The following LEPR variants were observed in gnomAD, a reference collection of about 807,000 sequenced individuals.
LEPR encodes the protein leptin receptor, also known as OB receptor.
Under a neutral mutation model 114.7 loss-of-function variants are expected in LEPR, and 56 were observed. That is an observed-to-expected ratio of 0.49 (90% CI 0.39 to 0.61). The LOEUF (loss-of-function observed/expected upper bound fraction) is 0.61, where lower values mean the gene tolerates loss of function less well. LEPR is among the 20% of genes least tolerant of loss of function. LEPR has a pLI of 0.00. For missense variants in LEPR, 1,202 were observed against 1,352.9 expected, an observed-to-expected ratio of 0.89 and a Z score of 1.75; for synonymous variants, 443 against 461.4, an observed-to-expected ratio of 0.96 and a Z score of 0.51.
In LEPR at chr1:65,496,349, G is replaced by C. The variant is rs187655569; in HGVS notation, c.-20-69197G>C. The stretch of plus-strand genomic sequence containing the variant: ...GGACTTTGGGAGGCCAAGGCGGTGG[G>C]ATGGCTTGAGCTGAGGAGTTCGAGA... On this transcript the variant is annotated intron_variant, in intron 2 of 19. Coordinates refer to ENST00000349533, the MANE Select transcript of LEPR (RefSeq NM_002303.6). 2.0e-3 allele frequency among the ~76,000 whole-genome samples: 309 copies of C among 152,270 alleles called. 11 individuals are homozygous for C. The highest frequency in any genetic ancestry group is 4.6e-4 in the Non-Finnish European group (31 of 68,024).
rs998333665 is a variant in LEPR at position 65,636,347 on chromosome 1, T to C, written c.2830T>C (p.Ser944Pro). The C allele has an allele frequency of 1.2e-6, 2 of 1,613,958 alleles. No individual in the cohort carries two copies. Among genetic ancestry groups the C allele is most frequent in the African/African-American group, 1.3e-5 (1 of 74,910 alleles). The change falls in exon 20 of 20, where the codon TCA (serine) becomes CCA (proline). Residue 944 changes from serine (S) to proline (P), a missense_variant. Physicochemically the swap from Ser to Pro is moderately conservative, Grantham distance 74. Coordinates refer to ENST00000349533, the MANE Select transcript of LEPR (RefSeq NM_002303.6). ...GCCAACAACTGTGGTCTCTCTACTT[T>C]CAACAACAGATCTTGAAAAGGGTTC... The part of the protein sequence containing the change: ...MMPTTVVSLL[S>P]TTDLEKGSVC...
chr1:65,608,640 T>C (rs1037646671), intron 11 of LEPR, 113 bp from the exon 12 acceptor site: 118 of 1,185,708 alleles, frequency 1.0e-4, no homozygotes, highest in Non-Finnish European at 1.4e-4. Context: ...GTGAGAAAGT[T>C]ATGAAGAAGA....
intron 5 of LEPR, among the ~76,000 whole-genome samples, chr1:65,579,671 A>G (rs922825030): frequency 8.5e-5 from 13 of 152,210 alleles, no homozygotes; most frequent in Non-Finnish European, 1.0e-4. Flanking sequence ...CCTACTCTAG[A>G]CAATTTCTGA....
At chr1:65,433,070 G>T (rs186487517) in intron 2 of LEPR, 1 of 985,380 alleles carries the variant, frequency 1.0e-6, no homozygotes, top group Non-Finnish European at 1.2e-6. Context: ...GGCTGGGCTC[G>T]AGCCAGCCCC....
In LEPR at chr1:65,592,678, A is replaced by G. The variant is rs889488117; in HGVS notation, c.516A>G (p.Ser172=). 1.4e-5 allele frequency: 23 copies of G among 1,612,936 alleles called. No individual in the cohort carries two copies. Among genetic ancestry groups the G allele is most frequent in the Non-Finnish European group, 2.0e-5 (23 of 1,179,330 alleles). ...LYVLPEVLED[S]PLVPQKGSFQ... ...ATAGGCCTGAAGTGTTAGAAGATTC[A>G]CCTCTGGTTCCCCAAAAAGGCAGTT... Residue 172 remains serine (S), a synonymous_variant, in exon 6 of 20, where the codon TCA becomes TCG. Transcript: ENST00000349533.
intron 7 of LEPR, among the ~76,000 whole-genome samples, chr1:65,597,003 A>G (rs1384409023): frequency 6.6e-6 from 1 of 152,096 alleles, no homozygotes; most frequent in South Asian, 2.1e-4. Context: ...GAACTCTGCT[A>G]GGTCATTTTA....
chr1:65,550,226 G>T (rs1428088094), intron 2 of LEPR, among the ~76,000 whole-genome samples: 5 of 152,266 alleles, frequency 3.3e-5, no homozygotes, highest in Middle Eastern at 3.4e-3. Context: ...TGCCCCTACT[G>T]GGGGGTGCCT....
At chr1:65,505,685 C>G (rs1376057454) in intron 2 of LEPR, among the ~76,000 whole-genome samples, 1 of 151,934 alleles carries the variant, frequency 6.6e-6, no homozygotes, top group Admixed American at 6.6e-5. Context: ...GTTGCCTTTT[C>G]TCACCCCTTC....
At position 65,633,582 on chromosome 1, in the gene LEPR, A is replaced by C; in HGVS notation, c.2674-2609A>C. The C allele has an allele frequency of 1.0e-6, 1 of 994,176 alleles. No homozygotes were observed. Among genetic ancestry groups the C allele is most frequent in the Non-Finnish European group, 1.2e-6 (1 of 834,804 alleles). The allele number at this position is 994,176 out of a possible 1,614,324, so 61.6% of individuals were successfully genotyped here. The stretch of plus-strand genomic sequence containing the variant: ...ACTCTAAAACTGCAACATCTGACAA[A>C]TAGCTTTAAAAATACAATGATTATA... On this transcript the variant is annotated intron_variant, in intron 19 of 19. Transcript: ENST00000349533. The surrounding 1 kb of genome is among the most constrained non-coding windows in gnomAD (Gnocchi z 4.1).
intron 2 of LEPR, among the ~76,000 whole-genome samples, chr1:65,555,911 T>C (rs557450352): frequency 3.2e-4 from 49 of 152,298 alleles, no homozygotes; most frequent in African/African-American, 1.1e-3. Context: ...ACCCTCCGTC[T>C]TTTTGAATGA....
intron 2 of LEPR, among the ~76,000 whole-genome samples, chr1:65,447,236 G>A (rs1423882983): frequency 6.6e-6 from 1 of 151,912 alleles, no homozygotes; most frequent in African/African-American, 2.4e-5. Context: ...TTTAGATTTA[G>A]GTCTGTAATA....
chr1:65,575,124 G>A (rs1654491743), intron 5 of LEPR, among the ~76,000 whole-genome samples: 1 of 152,128 alleles, frequency 6.6e-6, no homozygotes, highest in Non-Finnish European at 1.5e-5. Flanking sequence ...TGGCTGGAGT[G>A]ATATTTCAAG....
chr1:65,598,778 G>A lies in LEPR; in HGVS notation c.968G>A (p.Ser323Asn). ...LDGPGIWSDW[S>N]TPRVFTTQDV... ...GGCCCAGGAATCTGGAGTGACTGGA[G>A]TACTCCTCGTGTCTTTACCACACAA... Residue 323 changes from serine (S) to asparagine (N), a missense_variant, in exon 8 of 20, where the codon AGT (serine) becomes AAT (asparagine). By Grantham distance (46) the Ser-to-Asn change is conservative. Coordinates refer to ENST00000349533, the MANE Select transcript of LEPR (RefSeq NM_002303.6). 6.2e-7 allele frequency: 1 copy of A among 1,613,376 alleles called. No individual in the cohort carries two copies. The highest frequency in any genetic ancestry group is 1.7e-5 in the Admixed American group (1 of 59,928).
At chr1:65,426,857 G>A (rs753490477) in intron 2 of LEPR, among the ~76,000 whole-genome samples, 165 of 152,196 alleles carry the variant, frequency 1.1e-3, no homozygotes, top group Non-Finnish European at 1.9e-3. Flanking sequence ...AATTAGCTGG[G>A]CGTGGTGGCA....
Position 65,615,993 on chromosome 1 carries a change from C to T in LEPR, c.1996-15C>T. ...CTGCAGCCCTTAAACTAATCAATTT[C>T]TATATTTACTACAGCCCCTGATGAA... On this transcript the variant is annotated splice_polypyrimidine_tract_variant and intron_variant, in intron 14 of 19. Coordinates refer to ENST00000349533, the MANE Select transcript of LEPR (RefSeq NM_002303.6). 2 of 1,613,958 alleles carry T rather than the reference C, an allele frequency of 1.2e-6. No homozygotes were observed. The highest frequency in any genetic ancestry group is 1.7e-6 in the Non-Finnish European group (2 of 1,179,952).
At chr1:65,555,422 T>C (rs189465884) in intron 2 of LEPR, among the ~76,000 whole-genome samples, 2 of 152,214 alleles carry the variant, frequency 1.3e-5, no homozygotes, top group Admixed American at 1.3e-4. Flanking sequence ...GAAAGAGCTG[T>C]GGTGAATAAT....
chr1:65,433,769 T>G, intron 2 of LEPR: 2 of 929,712 alleles, frequency 2.2e-6, no homozygotes, highest in Non-Finnish European at 2.6e-6. Context: ...ACACTTGCAT[T>G]TATTGTATTG....
intron 2 of LEPR, among the ~76,000 whole-genome samples, chr1:65,538,995 G>A (rs1442500562): frequency 6.8e-6 from 1 of 146,778 alleles, no homozygotes; most frequent in Non-Finnish European, 1.5e-5. Context: ...TGGAAGTACT[G>A]TTGGTTGGAT....
At chr1:65,488,174 T>TCC (rs1647619189) in intron 2 of LEPR, among the ~76,000 whole-genome samples, 1 of 15,708 alleles carries the variant, frequency 6.4e-5, no homozygotes, top group African/African-American at 3.0e-4. Context: ...CTTTCTTTCT[T>TCC]TCTTTCTTTC....
Sources: gnomAD v4.1 joint callset for allele counts (sites outside exome capture counted in the v4.1 genomes callset) on GRCh38, gnomAD v4.1.1 for gene constraint, Gnocchi (gnomAD v3.1) non-coding constraint, MANE v1.5 for transcripts, NCBI Gene and HGNC (gene_info 2026-07-23, HGNC 2026-07-21) for gene names.